Variants in CELF2 observed in about 807,000 individuals in gnomAD.
The protein encoded by CELF2 is CUG triplet repeat RNA-binding protein 2.
A neutral mutation model predicts 62.6 loss-of-function variants in CELF2; 8 were observed. That is an observed-to-expected ratio of 0.13 (90% confidence interval 0.07 to 0.23). CELF2 has a LOEUF of 0.23. Among genes scored for constraint, CELF2 ranks in the 10% least tolerant of loss-of-function variants. CELF2 has a pLI of 1.00. For missense variants in CELF2, 333 were observed against 671.0 expected (o/e 0.50, Z 5.56); for synonymous variants, 258 against 250.0 (o/e 1.03, Z -0.30).
chr10:11,146,651 C>G (rs665611), intron 1 of CELF2, among the ~76,000 whole-genome samples: 41,026 of 152,100 alleles, frequency 0.27, 6,550 homozygotes, highest in East Asian at 0.75. Context: ...TGTGCTCTGT[C>G]GGTGATTTGT....
intron 1 of CELF2, among the ~76,000 whole-genome samples, chr10:11,065,379 A>C (rs2067822234): frequency 6.6e-6 from 1 of 152,214 alleles, no homozygotes; most frequent in Admixed American, 6.5e-5. Context: ...TGAACTGCTA[A>C]AGGGAAATTC....
chr10:10,706,436 C>T, the CELF2 span, among the ~76,000 whole-genome samples: 2 of 152,158 alleles, frequency 1.3e-5, no homozygotes, highest in African/African-American at 4.8e-5. Context: ...GAATGTTCCT[C>T]CAGCCCAGAA....
the CELF2 span, among the ~76,000 whole-genome samples, chr10:10,684,010 G>GA: frequency 0.013 from 2,021 of 151,196 alleles, 28 homozygotes; most frequent in African/African-American, 0.033. Flanking sequence ...CCCACCCACA[G>GA]AAAAAAAAAT....
At chr10:10,908,512 G>T (rs530561815) in intron 1 of CELF2, among the ~76,000 whole-genome samples, 5 of 152,050 alleles carry the variant, frequency 3.3e-5, no homozygotes, top group East Asian at 1.9e-4. Context: ...GAGCCACCGC[G>T]CCCGACCTGA....
At chr10:11,320,343 CCT>C (rs1279782628) in intron 10 of CELF2, among the ~76,000 whole-genome samples, 2 of 152,210 alleles carry the variant, frequency 1.3e-5, no homozygotes, top group African/African-American at 2.4e-5. Context: ...CATAGACACA[CCT>C]CTGTCTCCGG....
the CELF2 span, among the ~76,000 whole-genome samples, chr10:10,775,175 C>T: frequency 2.0e-5 from 3 of 152,068 alleles, no homozygotes; most frequent in Non-Finnish European, 2.9e-5. Flanking sequence ...CAGTGCCTAG[C>T]GTGAGGTCAT....
chr10:11,213,237 T>C (rs2062399832), intron 2 of CELF2, among the ~76,000 whole-genome samples: 1 of 152,186 alleles, frequency 6.6e-6, no homozygotes, highest in Non-Finnish European at 1.5e-5. Context: ...CCCCTGGGTG[T>C]TGTAGATGTG....
At chr10:10,864,996 G>C (rs1430034794) in intron 1 of CELF2, among the ~76,000 whole-genome samples, 1 of 152,158 alleles carries the variant, frequency 6.6e-6, no homozygotes, top group Non-Finnish European at 1.5e-5. Flanking sequence ...GTGTGGTGTT[G>C]TTTGGATGCA....
At position 11,220,315 on chromosome 10, in the gene CELF2, T is replaced by A. The variant is rs112230017; in HGVS notation, c.354+2808T>A. Among the ~76,000 whole-genome samples the A allele has an allele frequency of 6.0e-3, 909 of 152,362 alleles. 8 individuals carry two copies. The highest frequency in any genetic ancestry group is 0.02 in the African/African-American group (840 of 41,584). On this transcript the variant is annotated intron_variant, in intron 3 of 12. Coordinates refer to ENST00000633077, the MANE Select transcript of CELF2 (RefSeq NM_001326342.2). This position sits in a 1 kb window ranked among gnomAD's most constrained non-coding sequence, Gnocchi z 4.4. The stretch of plus-strand genomic sequence containing the variant: ...TTATTATGCGGCCAAGCTTGATTGA[T>A]GTTTGGAGTTTGCTTTCCTCTGTAT...
At chr10:10,734,807 A>G in the CELF2 span, among the ~76,000 whole-genome samples, 1 of 152,184 alleles carries the variant, frequency 6.6e-6, no homozygotes, top group Admixed American at 6.5e-5. Flanking sequence ...TGCCCAGGAC[A>G]GTCCCAGCCT....
At chr10:11,042,952 G>A (rs1333690910) in intron 1 of CELF2, among the ~76,000 whole-genome samples, 2 of 152,116 alleles carry the variant, frequency 1.3e-5, no homozygotes, top group Non-Finnish European at 2.9e-5. Context: ...AGATGGTTTG[G>A]CTTTTAGGAA....
Position 10,931,737 on chromosome 10 carries a change from T to C in CELF2, c.89+11738T>C, listed in dbSNP as rs141809358. Among the ~76,000 whole-genome samples, 8 of 152,288 alleles carry C rather than the reference T, an allele frequency of 5.3e-5. No homozygotes were observed. Among genetic ancestry groups the C allele is most frequent in the African/African-American group, 1.9e-4 (8 of 41,566 alleles). On this transcript the variant is annotated intron_variant, in intron 2 of 13. Transcript: ENST00000636488. This position sits in a 1 kb window ranked among gnomAD's most constrained non-coding sequence, Gnocchi z 6.1. ...CCACAATGAAACCTTAAAATGAATCTCTTGATAATAGCAATGCATTAGTCT... is the reference window on the plus strand; with the variant it reads ...CCACAATGAAACCTTAAAATGAATCCCTTGATAATAGCAATGCATTAGTCT...
At chr10:10,884,329 G>C (rs952792338) in intron 1 of CELF2, among the ~76,000 whole-genome samples, 2 of 152,170 alleles carry the variant, frequency 1.3e-5, no homozygotes, top group Non-Finnish European at 2.9e-5. Context: ...GTGCATACCA[G>C]CCACTGTCAG....
At chr10:10,715,747 A>G in the CELF2 span, among the ~76,000 whole-genome samples, 1 of 152,158 alleles carries the variant, frequency 6.6e-6, no homozygotes, top group African/African-American at 2.4e-5. Flanking sequence ...TGCTTGCCAT[A>G]TAGGGTTGCT....
At chr10:10,486,037 A>G in the CELF2 span, among the ~76,000 whole-genome samples, 1 of 152,212 alleles carries the variant, frequency 6.6e-6, no homozygotes, top group East Asian at 1.9e-4. Flanking sequence ...GAGTAGAATT[A>G]GAATCATGGA....
At chr10:10,919,041 C>T (rs2064617743) in intron 1 of CELF2, among the ~76,000 whole-genome samples, 1 of 152,098 alleles carries the variant, frequency 6.6e-6, no homozygotes, top group Admixed American at 6.5e-5. Context: ...TAAGCTGAGG[C>T]AGGCAGATCA....
At chr10:10,736,759 T>C in the CELF2 span, among the ~76,000 whole-genome samples, 1 of 152,116 alleles carries the variant, frequency 6.6e-6, no homozygotes, top group Non-Finnish European at 1.5e-5. Flanking sequence ...AGGACTCAGA[T>C]ACCAAGAGGT....
rs1049443333 is a variant in CELF2, at chr10:11,165,068, A to G, written c.75-418A>G. 32 of 988,974 alleles carry G rather than the reference A, an allele frequency of 3.2e-5. No homozygotes were observed. In the African/African-American group the frequency reaches 4.5e-4, roughly 14 times the overall value. 61.3% of individuals were successfully genotyped at this position (988,974 alleles called of 1,614,324 possible). A position where few individuals can be genotyped will look rare whatever the true frequency, so the allele number is the denominator to read the frequency against. On this transcript the variant is annotated intron_variant, in intron 1 of 12. Coordinates refer to ENST00000633077, the MANE Select transcript of CELF2 (RefSeq NM_001326342.2). This position sits in a 1 kb window ranked among gnomAD's most constrained non-coding sequence, Gnocchi z 7.4. ...GGCGGGGGGCGGGGCAGGGAGAGGGAGAGAAATCCAGCAGACATCTAGCTC... is the reference window on the plus strand; with the variant it reads ...GGCGGGGGGCGGGGCAGGGAGAGGGGGAGAAATCCAGCAGACATCTAGCTC...
the CELF2 span, among the ~76,000 whole-genome samples, chr10:10,470,595 G>C: frequency 5.9e-5 from 9 of 151,774 alleles, no homozygotes; most frequent in East Asian, 1.6e-3. Flanking sequence ...TCAAAGGCAG[G>C]AATACTGAGT....
Sources: gnomAD v4.1 joint callset for allele counts (sites outside exome capture counted in the v4.1 genomes callset) on GRCh38, gnomAD v4.1.1 for gene constraint, Gnocchi (gnomAD v3.1) non-coding constraint, MANE v1.5 for transcripts, NCBI Gene and HGNC (gene_info 2026-07-23, HGNC 2026-07-21) for gene names.